The following MAK variants were observed in gnomAD, a reference collection of about 807,000 sequenced individuals.
The protein encoded by MAK is serine/threonine-protein kinase MAK.
MAK carries 65 observed loss-of-function variants against 82.6 expected under a neutral mutation model. The ratio of observed to expected loss-of-function variants is 0.79; its 90% CI spans 0.64 to 0.97. The LOEUF (loss-of-function observed/expected upper bound fraction) is 0.97. Ranked by LOEUF, MAK falls within the 50% of genes least tolerant of loss-of-function variation. The pLI is 0.00. For synonymous variants in MAK, 250 were observed against 274.2 expected (o/e 0.91, Z 0.87); for missense variants, 703 against 780.2 (o/e 0.90, Z 1.18).
intron 1 of MAK, among the ~76,000 whole-genome samples, chr6:10,832,759 G>A (rs533042459): frequency 2.6e-5 from 4 of 152,196 alleles, no homozygotes; most frequent in Non-Finnish European, 2.9e-5. Context: ...TCCACCTCCC[G>A]ATGTGTTGGG....
At chr6:10,801,521 A>G (rs1370076874) in intron 8 of MAK, among the ~76,000 whole-genome samples, 1 of 152,262 alleles carries the variant, frequency 6.6e-6, no homozygotes, top group Non-Finnish European at 1.5e-5. Context: ...CTGTAAAGGC[A>G]GCATAGGAAA....
intron 11 of MAK, among the ~76,000 whole-genome samples, chr6:10,781,780 G>A (rs1429547497): frequency 6.6e-6 from 1 of 152,056 alleles, no homozygotes; most frequent in Non-Finnish European, 1.5e-5. Flanking sequence ...CTACCAATAA[G>A]ATATGTATAC....
chr6:10,829,447 T>G (rs1223814456), intron 2 of MAK, among the ~76,000 whole-genome samples: 3 of 152,192 alleles, frequency 2.0e-5, no homozygotes, highest in Non-Finnish European at 2.9e-5. Context: ...ACACCTGTAA[T>G]TCCAGCACTT....
At chr6:10,764,629 A>G (rs1465697845) in intron 14 of MAK, 23 bp from the exon 15 acceptor site, 1 of 1,611,996 alleles carries the variant, frequency 6.2e-7, no homozygotes, top group Non-Finnish European at 8.5e-7. Context: ...AGATTTGGAA[A>G]ACAGGGTTTT....
intron 11 of MAK, among the ~76,000 whole-genome samples, chr6:10,782,522 C>T (rs1210491086): frequency 6.6e-6 from 1 of 151,422 alleles, no homozygotes; most frequent in African/African-American, 2.4e-5. Flanking sequence ...CCTCTACTTG[C>T]TTTCATTTTT....
At position 10,803,701 on chromosome 6, in the gene MAK, T is replaced by C. The variant is rs1776189382; in HGVS notation, c.663+19A>G. On this transcript the variant is annotated intron_variant, in intron 7 of 14. Transcript: ENST00000354489. ...GAAATAATCAAAAGTTATAGCAACT[T>C]AGGGACAAGAGTACTTACTTTTTTG... The C allele has an allele frequency of 6.2e-7, 1 of 1,605,334 alleles. No homozygotes were observed. The highest frequency in any genetic ancestry group is 8.5e-7 in the Non-Finnish European group (1 of 1,172,060).
intron 10 of MAK, among the ~76,000 whole-genome samples, chr6:10,785,245 C>T (rs1179143367): frequency 1.3e-5 from 2 of 152,156 alleles, no homozygotes; most frequent in African/African-American, 4.8e-5. Flanking sequence ...AGTTCTGTCT[C>T]ATTCCCGAGG....
intron 4 of MAK, 109 bp from the exon 5 acceptor site, chr6:10,813,832 G>T: frequency 1.3e-6 from 1 of 743,722 alleles, no homozygotes. Context: ...CACGATACTG[G>T]TTAAACCTAT....
chr6:10,813,791 A>ATTCCCC, intron 4 of MAK, 68 bp from the exon 5 acceptor site: 1 of 862,318 alleles, frequency 1.2e-6, no homozygotes, highest in Non-Finnish European at 2.0e-6. Flanking sequence ...GAAGGTTTAT[A>ATTCCCC]TTCCCCCTGC....
At chr6:10,801,808 T>C in intron 8 of MAK, 84 bp downstream of exon 8, 5 of 1,319,052 alleles carry the variant, frequency 3.8e-6, no homozygotes, top group Middle Eastern at 1.8e-4. Flanking sequence ...TGGTTGAGAA[T>C]AGACCTGCCT....
chr6:10,765,243 A>G (rs1439049745), intron 14 of MAK, among the ~76,000 whole-genome samples: 3 of 152,224 alleles, frequency 2.0e-5, no homozygotes, highest in African/African-American at 7.2e-5. Context: ...GCTCAAATTC[A>G]ATGGGCAACA....
In MAK at chr6:10,817,849, CCTGT is replaced by C; in HGVS notation, c.275_278del (p.Asp92GlufsTer34). 6.7e-7 allele frequency: 1 copy of C among 1,490,898 alleles called. No homozygotes were observed. Among genetic ancestry groups the C allele is most frequent in the Non-Finnish European group, 9.2e-7 (1 of 1,084,854 alleles). 92.4% of individuals were successfully genotyped at this position (1,490,898 alleles called of 1,614,324 possible). A position where few individuals can be genotyped will look rare whatever the true frequency, so the allele number is the denominator to read the frequency against. ...AGGGAAAAACATGAATAAAAACATA[CCTGT>C]CTTTCATTAATTGATAGAGGTTTTC... is the stretch of plus-strand genomic sequence containing the variant. On this transcript the variant is annotated frameshift_variant and splice_region_variant, in exon 4 of 15. Coordinates refer to ENST00000354489, the MANE Select transcript of MAK (RefSeq NM_001242957.3). LOFTEE classifies it high-confidence loss of function.
chr6:10,779,241 C>A lies in MAK; in HGVS notation c.1466-3782G>T, dbSNP rs750041150. 43 of 732,422 alleles carry A rather than the reference C, an allele frequency of 5.9e-5. No individual in the cohort carries two copies. The South Asian group carries it at 8.6e-4, about 15-fold the overall frequency. 45.4% of individuals were successfully genotyped at this position (732,422 alleles called of 1,614,324 possible). A position where few individuals can be genotyped will look rare whatever the true frequency, so the allele number is the denominator to read the frequency against. On this transcript the variant is annotated intron_variant, in intron 11 of 14. Coordinates refer to ENST00000354489, the MANE Select transcript of MAK (RefSeq NM_001242957.3). ...CCGGCTCTAGGAGCAGGGGGTGAGA[C>A]CAGAGGGCACTGCTGAGAGATTAGC...
At position 10,803,878 on chromosome 6, in the gene MAK, C is replaced by A; in HGVS notation, c.505G>T (p.Glu169Ter). 1 of 1,614,046 alleles carries A rather than the reference C, an allele frequency of 6.2e-7. No homozygotes were observed. Among genetic ancestry groups the A allele is most frequent in the Non-Finnish European group, 8.5e-7 (1 of 1,179,954 alleles). ...YVSTRWYRAP[E>*]VLLRSSVYSS... ...TAAACTGAAGATCTCAGTAAAACTT[C>A]AGGGGCACGATACCTATGAAAATAG... The change falls in exon 7 of 15, where the codon GAA (glutamate) becomes TAA (stop). Residue 169 changes from glutamate (E) to a stop codon, truncating the protein, a stop_gained. Transcript: ENST00000354489. LOFTEE classifies it high-confidence loss of function.
intron 14 of MAK, among the ~76,000 whole-genome samples, chr6:10,768,457 T>C (rs186216610): frequency 2.6e-5 from 4 of 152,228 alleles, no homozygotes; most frequent in Admixed American, 2.6e-4. Flanking sequence ...GGTGCATGCC[T>C]GTAATCCCAG....
intron 10 of MAK, among the ~76,000 whole-genome samples, chr6:10,791,147 C>T (rs1775044338): frequency 6.6e-6 from 1 of 152,220 alleles, no homozygotes; most frequent in African/African-American, 2.4e-5. Context: ...CACACAGACA[C>T]ACACACCCCA....
chr6:10,817,731 G>A lies in MAK; in HGVS notation c.278+119C>T, dbSNP rs373280697. 55 of 798,664 alleles carry A rather than the reference G, an allele frequency of 6.9e-5. 1 individual carries two copies. In the East Asian group the frequency reaches 1.0e-3, roughly 15 times the overall value. The allele number at this position is 798,664 out of a possible 1,614,324, so 49.5% of individuals were successfully genotyped here. ...ACCCTTTGATAAAGGTAACAGAACT[G>A]GTTAATTTAAATTTACCTTTTGGAG... On this transcript the variant is annotated intron_variant, in intron 4 of 14. Coordinates refer to ENST00000354489, the MANE Select transcript of MAK (RefSeq NM_001242957.3).
In MAK at chr6:10,796,229, A is replaced by G; in HGVS notation, c.912T>C (p.Asn304=). ...SNHLESKQSL[N]KQLQPLESKP... ...TTGATTCTAATGGTTGCAGCTGCTT[A>G]TTTAAAGACTGTTTTGATTCCAGAT... Residue 304 remains asparagine, a synonymous_variant, in exon 9 of 15, where the codon AAT becomes AAC. Transcript: ENST00000354489. 1 of 1,614,182 alleles carries G rather than the reference A, an allele frequency of 6.2e-7. No individual in the cohort carries two copies. Among genetic ancestry groups the G allele is most frequent in the South Asian group, 1.1e-5 (1 of 91,076 alleles).
At chr6:10,801,790 T>G in intron 8 of MAK, 102 bp downstream of exon 8, 2 of 1,107,936 alleles carry the variant, frequency 1.8e-6, no homozygotes, top group South Asian at 2.6e-5. Context: ...ATTCTCTTAG[T>G]AAAATCCTGG....
Sources: allele counts gnomAD v4.1 joint callset (sites outside exome capture counted in the v4.1 genomes callset), GRCh38; gene constraint gnomAD v4.1.1; transcripts MANE v1.5; gene names NCBI Gene and HGNC (gene_info 2026-07-23, HGNC 2026-07-21).